ALK: variants seen among roughly 807,000 people sequenced by gnomAD.
The protein encoded by ALK is ALK receptor tyrosine kinase, also known as ALK tyrosine kinase receptor.
A neutral mutation model predicts 163.1 loss-of-function variants in ALK; 74 were observed. The ratio of observed to expected loss-of-function variants is 0.45; its 90% CI spans 0.38 to 0.55. ALK has a LOEUF of 0.55. Among genes scored for constraint, ALK ranks in the 20% least tolerant of loss-of-function variants. The pLI is 0.00. For missense variants in ALK, 2,063 were observed against 2,105.3 expected (o/e 0.98, Z 0.39); for synonymous variants, 960 against 843.2 (o/e 1.14, Z -2.40).
chr2:29,456,157 T>C (rs1670947672), intron 4 of ALK, among the ~76,000 whole-genome samples: 1 of 152,164 alleles, frequency 6.6e-6, no homozygotes, highest in South Asian at 2.1e-4. Flanking sequence ...GAAAACAGTT[T>C]GGTGGTTCCT....
intron 5 of ALK, among the ~76,000 whole-genome samples, chr2:29,359,738 G>A (rs1487821672): frequency 6.6e-6 from 1 of 152,210 alleles, no homozygotes; most frequent in East Asian, 1.9e-4. Context: ...CCAGCACCAT[G>A]CAGCTTGTTC....
intron 3 of ALK, among the ~76,000 whole-genome samples, chr2:29,574,390 C>T (rs138229315): frequency 6.6e-6 from 1 of 152,346 alleles, no homozygotes; most frequent in Non-Finnish European, 1.5e-5. Context: ...CCAACATGGG[C>T]CTCTTCCCAC....
rs560330758 is a variant in ALK at position 29,428,165 on chromosome 2, G to A, written c.1155-44306C>T. On this transcript the variant is annotated intron_variant, in intron 4 of 28. Transcript: ENST00000389048. The stretch of plus-strand genomic sequence containing the variant: ...GAAATTTATAGCTGTAAATGTCTAC[G>A]TTAAAAAAGAAGATAGTTGTCAAGT... Among the ~76,000 whole-genome samples, 41 of 152,024 alleles carry A rather than the reference G, an allele frequency of 2.7e-4. No individual in the cohort carries two copies. In the South Asian group the frequency reaches 8.1e-3, roughly 30 times the overall value.
chr2:29,578,301 T>C (rs1674582985), intron 3 of ALK, among the ~76,000 whole-genome samples: 1 of 152,182 alleles, frequency 6.6e-6, no homozygotes, highest in African/African-American at 2.4e-5. Context: ...GAGCTGTAAG[T>C]CCATTAAACC....
At chr2:29,404,025 C>A (rs1000571676) in intron 4 of ALK, among the ~76,000 whole-genome samples, 2 of 152,000 alleles carry the variant, frequency 1.3e-5, no homozygotes. Flanking sequence ...AGTTGTAGGC[C>A]GGGCATGTTA....
intron 1 of ALK, among the ~76,000 whole-genome samples, chr2:29,782,813 T>C (rs1317616031): frequency 6.6e-6 from 1 of 152,132 alleles, no homozygotes; most frequent in East Asian, 1.9e-4. Flanking sequence ...GCCTCTCATC[T>C]CACCTTTCAA....
At chr2:29,214,932 G>T (rs994874375) in intron 23 of ALK, among the ~76,000 whole-genome samples, 1 of 152,210 alleles carries the variant, frequency 6.6e-6, no homozygotes, top group Non-Finnish European at 1.5e-5. Flanking sequence ...CCAGCACAAT[G>T]CTGGACACAC....
chr2:29,387,222 A>G (rs4074943), intron 4 of ALK, among the ~76,000 whole-genome samples: 55,716 of 151,986 alleles, frequency 0.37, 10,422 homozygotes, highest in African/African-American at 0.41. Context: ...CTCCGGTTCC[A>G]GTTCTGGCTC....
chr2:29,895,824 G>C (rs1381628659), intron 1 of ALK, among the ~76,000 whole-genome samples: 1 of 152,156 alleles, frequency 6.6e-6, no homozygotes, highest in Non-Finnish European at 1.5e-5. Flanking sequence ...TTTTTGAAAA[G>C]AGGACCACAG....
chr2:29,779,987 C>T (rs1365350662), intron 1 of ALK, among the ~76,000 whole-genome samples: 1 of 152,174 alleles, frequency 6.6e-6, no homozygotes, highest in Non-Finnish European at 1.5e-5. Context: ...GGACAAGATT[C>T]CTTGATCTTG....
chr2:29,523,843 T>G (rs1226953276), intron 4 of ALK, among the ~76,000 whole-genome samples: 4 of 140,198 alleles, frequency 2.9e-5, no homozygotes, highest in Non-Finnish European at 3.0e-5. Flanking sequence ...AGGTCAGAAC[T>G]GGCAGAAGCT....
At chr2:29,356,758 G>C (rs1573275683) in intron 5 of ALK, among the ~76,000 whole-genome samples, 1 of 152,198 alleles carries the variant, frequency 6.6e-6, no homozygotes, top group African/African-American at 2.4e-5. Flanking sequence ...AAAATCAAGC[G>C]TGCCATCTGG....
chr2:29,605,454 A>G (rs192639921), intron 3 of ALK, among the ~76,000 whole-genome samples: 459 of 152,324 alleles, frequency 3.0e-3, no homozygotes, highest in African/African-American at 9.7e-3. Context: ...TTCAAAATTC[A>G]TAGGTTGAAA....
intron 8 of ALK, among the ~76,000 whole-genome samples, chr2:29,310,663 C>T (rs1298581892): frequency 6.6e-6 from 1 of 152,218 alleles, no homozygotes; most frequent in Admixed American, 6.5e-5. Context: ...GGCCACACGG[C>T]AGGTTTGAAA....
intron 4 of ALK, among the ~76,000 whole-genome samples, chr2:29,483,902 A>C (rs945281086): frequency 6.6e-6 from 1 of 152,198 alleles, no homozygotes; most frequent in Non-Finnish European, 1.5e-5. Context: ...TTATAAAGAA[A>C]AACAGGTTTT....
At chr2:29,338,286 T>G (rs1667685863) in intron 5 of ALK, among the ~76,000 whole-genome samples, 1 of 152,184 alleles carries the variant, frequency 6.6e-6, no homozygotes, top group African/African-American at 2.4e-5. Flanking sequence ...AATGATGGGT[T>G]TTCAGCATTA....
intron 8 of ALK, among the ~76,000 whole-genome samples, chr2:29,307,457 T>A (rs1666556205): frequency 6.6e-6 from 1 of 152,174 alleles, no homozygotes; most frequent in Non-Finnish European, 1.5e-5. Flanking sequence ...ACTCCCTGGG[T>A]ATTCCCCATC....
chr2:29,224,945 C>A (rs2148174926), intron 19 of ALK, among the ~76,000 whole-genome samples: 1 of 152,318 alleles, frequency 6.6e-6, no homozygotes, highest in Non-Finnish European at 1.5e-5. Context: ...TGGTTGGGAC[C>A]ACACTGAGTT....
chr2:29,862,574 A>C (rs1490109578), intron 1 of ALK, among the ~76,000 whole-genome samples: 1 of 152,212 alleles, frequency 6.6e-6, no homozygotes, highest in Non-Finnish European at 1.5e-5. Flanking sequence ...AAAATGTGAA[A>C]GATCTGAACA....
Sources: allele counts gnomAD v4.1 joint callset (sites outside exome capture counted in the v4.1 genomes callset), GRCh38; gene constraint gnomAD v4.1.1; transcripts MANE v1.5; gene names NCBI Gene and HGNC (gene_info 2026-07-23, HGNC 2026-07-21).